TMEM51: variants seen among roughly 807,000 people sequenced by gnomAD.
TMEM51 encodes the protein transmembrane protein 51, also known as chromosome 1 open reading frame 72.
A neutral mutation model predicts 13.6 loss-of-function variants in TMEM51; 8 were observed. That is an observed-to-expected ratio of 0.59 (90% confidence interval 0.35 to 1.07). The LOEUF (loss-of-function observed/expected upper bound fraction) is 1.07. TMEM51 is among the 50% of genes least tolerant of loss of function. The pLI is 0.02. For synonymous variants in TMEM51, 147 were observed against 144.4 expected, an observed-to-expected ratio of 1.02 and a Z score of -0.13; for missense variants, 279 against 330.7, an observed-to-expected ratio of 0.84 and a Z score of 1.21.
intron 1 of TMEM51, among the ~76,000 whole-genome samples, chr1:15,157,071 G>A (rs1224763175): frequency 2.6e-5 from 4 of 152,278 alleles, no homozygotes; most frequent in South Asian, 2.1e-4. Context: ...AAAACAGGCC[G>A]TTTGTTTGGA....
chr1:15,204,872 G>T (rs977213924), intron 1 of TMEM51, among the ~76,000 whole-genome samples: 2 of 152,114 alleles, frequency 1.3e-5, no homozygotes, highest in Admixed American at 6.5e-5. Flanking sequence ...GTCAGAGCCT[G>T]TGCTTAGCCT....
At chr1:15,200,999 C>G (rs1454385409) in intron 1 of TMEM51, among the ~76,000 whole-genome samples, 1 of 152,144 alleles carries the variant, frequency 6.6e-6, no homozygotes, top group Non-Finnish European at 1.5e-5. Context: ...TGCCTCACAC[C>G]TGTATATGGC....
At chr1:15,218,705 C>T (rs1644464848) in intron 3 of TMEM51, among the ~76,000 whole-genome samples, 2 of 152,142 alleles carry the variant, frequency 1.3e-5, no homozygotes. Flanking sequence ...CATTGCTCAT[C>T]AGCATGGGAC....
chr1:15,197,913 T>C (rs1326295320), intron 1 of TMEM51, among the ~76,000 whole-genome samples: 1 of 139,646 alleles, frequency 7.2e-6, no homozygotes, highest in Admixed American at 7.6e-5. Flanking sequence ...ACCGTGAACC[T>C]CTCAGCCTGT....
intron 3 of TMEM51, among the ~76,000 whole-genome samples, chr1:15,217,377 G>A (rs929973702): frequency 7.2e-5 from 11 of 152,104 alleles, no homozygotes; most frequent in Admixed American, 5.9e-4. Flanking sequence ...GGGTGTAAGT[G>A]GGTACAAATA....
At chr1:15,170,656 C>T (rs111781811) in intron 1 of TMEM51, among the ~76,000 whole-genome samples, 1 of 152,062 alleles carries the variant, frequency 6.6e-6, no homozygotes, top group African/African-American at 2.4e-5. Context: ...ACATTAAGCA[C>T]ATTTACAGTG....
intron 1 of TMEM51, among the ~76,000 whole-genome samples, chr1:15,176,498 G>A (rs1339712160): frequency 6.6e-6 from 1 of 152,218 alleles, no homozygotes. Flanking sequence ...GATGTGGAAG[G>A]AGAGGCCTTC....
At chr1:15,203,648 A>G (rs1644198842) in intron 1 of TMEM51, among the ~76,000 whole-genome samples, 1 of 152,162 alleles carries the variant, frequency 6.6e-6, no homozygotes, top group Admixed American at 6.5e-5. Context: ...TGTGAGCTCT[A>G]TGGGGACAAG....
Position 15,215,058 on chromosome 1 carries a change from G to C in TMEM51, c.-30G>C. ...CTTGTATACATTTATTTTCTTTCTT[G>C]GAACTGGGCCTCGCCCTCCTCCCAC... On this transcript the variant is annotated 5_prime_UTR_variant, in exon 3 of 4. Transcript: ENST00000376008. The C allele has an allele frequency of 1.3e-6, 2 of 1,572,484 alleles. No homozygotes were observed. The highest frequency in any genetic ancestry group is 1.7e-6 in the Non-Finnish European group (2 of 1,156,572).
chr1:15,163,214 GAGTC>G (rs1285955577), intron 1 of TMEM51, among the ~76,000 whole-genome samples: 2 of 151,990 alleles, frequency 1.3e-5, no homozygotes, highest in East Asian at 3.8e-4. Flanking sequence ...CAGCAGGGAG[GAGTC>G]AGTCAAGTAG....
chr1:15,160,550 A>C (rs936421348), intron 1 of TMEM51, among the ~76,000 whole-genome samples: 1 of 152,092 alleles, frequency 6.6e-6, no homozygotes, highest in African/African-American at 2.4e-5. Context: ...CTAGGATTAC[A>C]GGCGTGAGCC....
intron 2 of TMEM51, among the ~76,000 whole-genome samples, chr1:15,211,077 T>A (rs1461945247): frequency 6.6e-6 from 1 of 152,142 alleles, no homozygotes; most frequent in African/African-American, 2.4e-5. Flanking sequence ...ATTCTTATTC[T>A]CCCAGTAAGA....
intron 2 of TMEM51, 75 bp from the exon 3 acceptor site, chr1:15,214,820 G>A: frequency 2.1e-6 from 1 of 468,532 alleles, no homozygotes; most frequent in Non-Finnish European, 3.8e-6. Context: ...TCCTTCAAGA[G>A]CAGAGCCGCC....
At chr1:15,184,103 G>A (rs908748307) in intron 1 of TMEM51, among the ~76,000 whole-genome samples, 1 of 126,622 alleles carries the variant, frequency 7.9e-6, no homozygotes, top group South Asian at 3.1e-4. Context: ...GCAGTGGCAC[G>A]ATCTCAGTTC....
chr1:15,185,924 TG>T (rs982377259), intron 1 of TMEM51, among the ~76,000 whole-genome samples: 10 of 151,788 alleles, frequency 6.6e-5, no homozygotes, highest in African/African-American at 2.4e-4. Context: ...GACCTCCAAG[TG>T]GAAAGAACCA....
chr1:15,158,282 G>C (rs1477661558), intron 1 of TMEM51, among the ~76,000 whole-genome samples: 1 of 152,182 alleles, frequency 6.6e-6, no homozygotes, highest in Non-Finnish European at 1.5e-5. Context: ...ACCACTGTGG[G>C]AGTCCAGAGG....
intron 1 of TMEM51, among the ~76,000 whole-genome samples, chr1:15,203,429 ATTT>A (rs112836703): frequency 7.1e-6 from 1 of 140,262 alleles, no homozygotes; most frequent in Admixed American, 7.2e-5. Flanking sequence ...TAATTTTTGT[ATTT>A]TTTTTTTTTC....
chr1:15,173,294 A>G (rs1297243162), intron 1 of TMEM51, among the ~76,000 whole-genome samples: 1 of 142,864 alleles, frequency 7.0e-6, no homozygotes, highest in Non-Finnish European at 1.5e-5. Flanking sequence ...ATCTCGGCTC[A>G]CTACAACCTC....
intron 1 of TMEM51, among the ~76,000 whole-genome samples, chr1:15,205,670 G>A (rs567274707): frequency 1.1e-4 from 16 of 152,218 alleles, no homozygotes; most frequent in South Asian, 1.0e-3. Context: ...ATTACTTTCC[G>A]TCTTGGAACC....
Sources: allele counts gnomAD v4.1 joint callset (sites outside exome capture counted in the v4.1 genomes callset), GRCh38; gene constraint gnomAD v4.1.1; transcripts MANE v1.5; gene names NCBI Gene and HGNC (gene_info 2026-07-23, HGNC 2026-07-21).